Variants in GSG1L observed in about 807,000 individuals in gnomAD.
The protein encoded by GSG1L is GSG1 like.
In GSG1L, 24 loss-of-function variants were observed where a neutral mutation model predicts 42.1. The observed-to-expected ratio is 0.57, with a 90% CI of 0.41 to 0.80. The LOEUF is 0.80. Among genes scored for constraint, GSG1L ranks in the 30% least tolerant of loss-of-function variants. The pLI, the probability that GSG1L is intolerant of heterozygous loss-of-function variation, is 0.00. For missense variants in GSG1L, 445 were observed against 472.2 expected (o/e 0.94, Z 0.53); for synonymous variants, 215 against 203.5 (o/e 1.06, Z -0.48).
intron 1 of GSG1L, among the ~76,000 whole-genome samples, chr16:28,030,848 T>G (rs2085952682): frequency 7.0e-6 from 1 of 142,726 alleles, no homozygotes; most frequent in Non-Finnish European, 1.5e-5. Context: ...TGGGATGGGA[T>G]TGGATAGACT....
chr16:28,009,166 T>C (rs557772750), intron 1 of GSG1L, among the ~76,000 whole-genome samples: 4 of 152,292 alleles, frequency 2.6e-5, no homozygotes, highest in Admixed American at 2.0e-4. Context: ...ATGAGATGCC[T>C]GTTCTCCTCC....
intron 6 of GSG1L, among the ~76,000 whole-genome samples, chr16:27,804,048 TAG>T (rs57028727): frequency 0.093 from 4,348 of 46,974 alleles, 298 homozygotes; most frequent in East Asian, 0.38. Context: ...GATAGATAGA[TAG>T]ATAGATAGAT....
intron 5 of GSG1L, among the ~76,000 whole-genome samples, chr16:27,810,041 T>G (rs1474161644): frequency 6.6e-6 from 1 of 152,226 alleles, no homozygotes; most frequent in African/African-American, 2.4e-5. Context: ...ATTCATTCAT[T>G]CATTCGCTCA....
At chr16:27,966,876 A>G (rs887405294) in intron 1 of GSG1L, among the ~76,000 whole-genome samples, 4 of 152,222 alleles carry the variant, frequency 2.6e-5, no homozygotes, top group African/African-American at 4.8e-5. Flanking sequence ...TGAGCCCACA[A>G]TCCCACACAG....
intron 1 of GSG1L, among the ~76,000 whole-genome samples, chr16:27,991,158 T>C (rs2085451399): frequency 6.6e-6 from 1 of 152,214 alleles, no homozygotes; most frequent in Non-Finnish European, 1.5e-5. Flanking sequence ...AACACACCTG[T>C]TATTAGATTC....
chr16:28,051,479 G>A (rs1314877197), intron 1 of GSG1L, among the ~76,000 whole-genome samples: 1 of 151,752 alleles, frequency 6.6e-6, no homozygotes, highest in Admixed American at 6.6e-5. Context: ...TCGAGCAATT[G>A]GCAGCATGTC....
rs531476343 is a variant in GSG1L, at chr16:27,868,557, T to C, written c.550+15929A>G. On this transcript the variant is annotated intron_variant, in intron 3 of 6. Coordinates refer to ENST00000447459, the MANE Select transcript of GSG1L (RefSeq NM_001109763.2). ...GCTACCATCTAAAACTGGCACCCCATGGGCTGAATCGAACCTGCAGATGTT... is the reference window on the plus strand; with the variant it reads ...GCTACCATCTAAAACTGGCACCCCACGGGCTGAATCGAACCTGCAGATGTT... 1.3e-4 allele frequency among the ~76,000 whole-genome samples: 19 copies of C among 151,228 alleles called. No individual in the cohort carries two copies. The South Asian group carries it at 3.8e-3, about 30-fold the overall frequency.
At chr16:27,849,646 C>T (rs1359679425) in intron 3 of GSG1L, among the ~76,000 whole-genome samples, 1 of 152,142 alleles carries the variant, frequency 6.6e-6, no homozygotes, top group Non-Finnish European at 1.5e-5. Flanking sequence ...CCTCAGCCTC[C>T]TGAGTAACTG....
At chr16:28,036,097 C>T (rs771326747) in intron 1 of GSG1L, among the ~76,000 whole-genome samples, 4 of 152,142 alleles carry the variant, frequency 2.6e-5, no homozygotes, top group South Asian at 2.1e-4. Flanking sequence ...CCAAATCATC[C>T]GTGGGATGAC....
At chr16:27,813,186 C>T (rs2083053512) in intron 5 of GSG1L, among the ~76,000 whole-genome samples, 1 of 152,188 alleles carries the variant, frequency 6.6e-6, no homozygotes, top group African/African-American at 2.4e-5. Context: ...ACTATTTTGT[C>T]ACCCAGGTAA....
At chr16:27,915,196 T>TACACACACACAC (rs66820312) in intron 2 of GSG1L, among the ~76,000 whole-genome samples, 15 of 121,860 alleles carry the variant, frequency 1.2e-4, no homozygotes, top group East Asian at 7.9e-4. Flanking sequence ...CCAGAGGATG[T>TACACACACACAC]ACACACACAC....
At chr16:27,822,604 A>G (rs546793376) in intron 5 of GSG1L, among the ~76,000 whole-genome samples, 170 of 152,184 alleles carry the variant, frequency 1.1e-3, no homozygotes, top group African/African-American at 3.9e-3. Context: ...TTTTTTGTAG[A>G]GACAGGGTCT....
intron 1 of GSG1L, among the ~76,000 whole-genome samples, chr16:27,982,968 A>G (rs1256014359): frequency 6.6e-6 from 1 of 152,090 alleles, no homozygotes; most frequent in Admixed American, 6.5e-5. Flanking sequence ...ATATCATCCC[A>G]AAACACTATG....
At chr16:28,024,800 T>A (rs893555907) in intron 1 of GSG1L, among the ~76,000 whole-genome samples, 8 of 152,188 alleles carry the variant, frequency 5.3e-5, no homozygotes, top group African/African-American at 1.9e-4. Flanking sequence ...GGGCTGCCAA[T>A]GACAGCTGTT....
chr16:27,919,833 T>C (rs1464711882), intron 2 of GSG1L, among the ~76,000 whole-genome samples: 1 of 152,124 alleles, frequency 6.6e-6, no homozygotes, highest in Non-Finnish European at 1.5e-5. Flanking sequence ...AGGAGGAAAA[T>C]AAGAGACAGA....
At chr16:28,039,032 T>TG (rs551764019) in intron 1 of GSG1L, among the ~76,000 whole-genome samples, 3 of 152,164 alleles carry the variant, frequency 2.0e-5, no homozygotes, top group Non-Finnish European at 4.4e-5. Context: ...CAAATTGGTG[T>TG]GGGGGCTGCA....
At chr16:27,911,948 T>C (rs1168063897) in intron 2 of GSG1L, among the ~76,000 whole-genome samples, 1 of 152,214 alleles carries the variant, frequency 6.6e-6, no homozygotes, top group Non-Finnish European at 1.5e-5. Context: ...TTTTGTCTCC[T>C]ATATGCCACT....
At chr16:27,908,521 C>T (rs368309019) in intron 2 of GSG1L, among the ~76,000 whole-genome samples, 1 of 152,128 alleles carries the variant, frequency 6.6e-6, no homozygotes, top group African/African-American at 2.4e-5. Flanking sequence ...TAACAGAATA[C>T]CAGAGACTGG....
intron 1 of GSG1L, among the ~76,000 whole-genome samples, chr16:27,975,436 G>A (rs1193885603): frequency 4.6e-5 from 7 of 152,064 alleles, no homozygotes; most frequent in Admixed American, 2.6e-4. Flanking sequence ...CTGCACCTGC[G>A]TTGCTTTTCT....
Sources: gnomAD v4.1 joint callset for allele counts (sites outside exome capture counted in the v4.1 genomes callset) on GRCh38, gnomAD v4.1.1 for gene constraint, MANE v1.5 for transcripts, NCBI Gene and HGNC (gene_info 2026-07-23, HGNC 2026-07-21) for gene names.